Variants in MARCHF1 observed in about 807,000 individuals in gnomAD.
MARCHF1 encodes the protein E3 ubiquitin-protein ligase MARCHF1.
In MARCHF1, 40 loss-of-function variants were observed where a neutral mutation model predicts 54.2. That is an observed-to-expected ratio of 0.74 (90% CI 0.57 to 0.96). The LOEUF is 0.96. MARCHF1 is among the 40% of genes least tolerant of loss of function. MARCHF1 has a pLI of 0.00. For missense variants in MARCHF1, 586 were observed against 656.5 expected (o/e 0.89, Z 1.17); for synonymous variants, 236 against 236.3 (o/e 1.00, Z 0.01).
intron 1 of MARCHF1, among the ~76,000 whole-genome samples, chr4:164,256,552 A>AT (rs147374651): frequency 0.021 from 3,210 of 152,086 alleles, 109 homozygotes; most frequent in African/African-American, 0.073. Flanking sequence ...ATAGACAAGA[A>AT]TTTTTTTAAA....
At chr4:163,804,666 G>T (rs750262229) in intron 4 of MARCHF1, among the ~76,000 whole-genome samples, 1 of 152,170 alleles carries the variant, frequency 6.6e-6, no homozygotes, top group East Asian at 1.9e-4. Flanking sequence ...GAGACCTACA[G>T]CTGTAATGAA....
In MARCHF1 at chr4:163,847,125, C is replaced by A. The variant is rs148033515; in HGVS notation, c.111+6896G>T. ...GGCCTATGAGTAACAAGAACTAGAA[C>A]AAATAAGGTGATAATGATAAGATTC... is the stretch of plus-strand genomic sequence containing the variant. On this transcript the variant is annotated intron_variant, in intron 4 of 9. Coordinates refer to ENST00000514618, the MANE Select transcript of MARCHF1 (RefSeq NM_001394959.1). 4.6e-3 allele frequency among the ~76,000 whole-genome samples: 702 copies of A among 152,176 alleles called. 6 individuals carry two copies. Among genetic ancestry groups the A allele is most frequent in the Non-Finnish European group, 8.2e-3 (555 of 67,992 alleles).
intron 1 of MARCHF1, among the ~76,000 whole-genome samples, chr4:164,365,769 A>C (rs1240762824): frequency 1.3e-5 from 2 of 152,070 alleles, no homozygotes; most frequent in Non-Finnish European, 2.9e-5. Context: ...TTGGTGCATC[A>C]AATCATCACA....
chr4:164,317,568 G>A (rs114490195), intron 1 of MARCHF1, among the ~76,000 whole-genome samples: 194 of 152,204 alleles, frequency 1.3e-3, no homozygotes, highest in African/African-American at 4.3e-3. Flanking sequence ...CCCCATACAC[G>A]TCTGCCCTTG....
intron 5 of MARCHF1, among the ~76,000 whole-genome samples, chr4:163,678,604 T>C (rs764087119): frequency 7.2e-5 from 11 of 152,224 alleles, no homozygotes; most frequent in Non-Finnish European, 1.5e-4. Context: ...GAGCATTTTC[T>C]GGACAGAAAA....
intron 1 of MARCHF1, among the ~76,000 whole-genome samples, chr4:164,337,721 G>A (rs1384929272): frequency 6.6e-6 from 1 of 152,216 alleles, no homozygotes; most frequent in Non-Finnish European, 1.5e-5. Context: ...CCCAGGTGGT[G>A]AGTATGAGTT....
intron 1 of MARCHF1, among the ~76,000 whole-genome samples, chr4:164,295,878 T>C (rs1312205743): frequency 1.3e-5 from 2 of 152,124 alleles, no homozygotes; most frequent in African/African-American, 4.8e-5. Flanking sequence ...TGAGAGTTAG[T>C]TACACTAATA....
intron 5 of MARCHF1, among the ~76,000 whole-genome samples, chr4:163,625,534 T>G (rs1741838777): frequency 6.6e-6 from 1 of 152,242 alleles, no homozygotes. Flanking sequence ...CAAGTTGAAC[T>G]GACCTGGGTA....
At chr4:164,054,671 C>T (rs555001721) in intron 2 of MARCHF1, among the ~76,000 whole-genome samples, 74 of 150,230 alleles carry the variant, frequency 4.9e-4, no homozygotes, top group Middle Eastern at 3.5e-3. Context: ...AGTAAACTAT[C>T]GCAAGAACAA....
chr4:163,834,527 G>A (rs1579324990), intron 4 of MARCHF1, among the ~76,000 whole-genome samples: 1 of 151,654 alleles, frequency 6.6e-6, no homozygotes, highest in Non-Finnish European at 1.5e-5. Context: ...ATGTATACAT[G>A]TGTCATGCTG....
At position 163,629,166 on chromosome 4, in the gene MARCHF1, G is replaced by C. The variant is rs1401363814; in HGVS notation, c.163-15773C>G. 3.3e-5 allele frequency among the ~76,000 whole-genome samples: 5 copies of C among 152,204 alleles called. No individual in the cohort carries two copies. The East Asian group carries it at 7.7e-4, about 23-fold the overall frequency. ...ACCTGACTTCAAACTATACTGCAAGGCTACAGTAACCAAAACAGCATGGTA... is the reference window on the plus strand; with the variant it reads ...ACCTGACTTCAAACTATACTGCAAGCCTACAGTAACCAAAACAGCATGGTA... On this transcript the variant is annotated intron_variant, in intron 5 of 9. Transcript: ENST00000514618.
chr4:163,816,368 A>T (rs970251803), intron 4 of MARCHF1, among the ~76,000 whole-genome samples: 1 of 100,840 alleles, frequency 9.9e-6, no homozygotes, highest in African/African-American at 3.2e-5. Flanking sequence ...TGAGTGAAAT[A>T]GTACCTTCTG....
At chr4:164,209,416 A>C (rs1267107354) in intron 1 of MARCHF1, among the ~76,000 whole-genome samples, 1 of 152,108 alleles carries the variant, frequency 6.6e-6, no homozygotes, top group African/African-American at 2.4e-5. Flanking sequence ...CTCATAGTAC[A>C]CTGGCCAGAA....
intron 1 of MARCHF1, among the ~76,000 whole-genome samples, chr4:164,337,625 G>A (rs980885194): frequency 3.9e-5 from 6 of 152,210 alleles, no homozygotes; most frequent in Non-Finnish European, 8.8e-5. Flanking sequence ...TATCTGGCAT[G>A]TGTACACCTC....
At chr4:164,236,342 T>A (rs1732558691) in intron 1 of MARCHF1, among the ~76,000 whole-genome samples, 2 of 152,162 alleles carry the variant, frequency 1.3e-5, no homozygotes, top group Non-Finnish European at 2.9e-5. Flanking sequence ...AATATGCTGC[T>A]GACTGATTAA....
intron 4 of MARCHF1, among the ~76,000 whole-genome samples, chr4:163,790,957 A>C (rs1747759231): frequency 6.6e-6 from 1 of 152,148 alleles, no homozygotes; most frequent in Non-Finnish European, 1.5e-5. Context: ...CGCACTTACC[A>C]TGTTTTCAGT....
intron 4 of MARCHF1, among the ~76,000 whole-genome samples, chr4:163,760,476 C>A (rs1019593164): frequency 2.6e-5 from 4 of 152,132 alleles, no homozygotes; most frequent in Non-Finnish European, 5.9e-5. Flanking sequence ...AGTCCTTATA[C>A]CTGAGTAGAG....
At chr4:163,756,243 A>G (rs1277255445) in intron 4 of MARCHF1, among the ~76,000 whole-genome samples, 1 of 152,168 alleles carries the variant, frequency 6.6e-6, no homozygotes, top group Non-Finnish European at 1.5e-5. Flanking sequence ...CTGGAGCCAG[A>G]ATGTAATCCT....
At chr4:163,959,999 A>T (rs754641559) in intron 3 of MARCHF1, among the ~76,000 whole-genome samples, 1 of 152,068 alleles carries the variant, frequency 6.6e-6, no homozygotes, top group Non-Finnish European at 1.5e-5. Context: ...AGCAAAGGAC[A>T]TGAACAGATG....
Sources: gnomAD v4.1 joint callset for allele counts (sites outside exome capture counted in the v4.1 genomes callset) on GRCh38, gnomAD v4.1.1 for gene constraint, MANE v1.5 for transcripts, NCBI Gene and HGNC (gene_info 2026-07-23, HGNC 2026-07-21) for gene names.